The following ZNF277 variants were observed in gnomAD, a reference collection of about 807,000 sequenced individuals.
The protein encoded by ZNF277 is nuclear receptor-interacting factor 4.
ZNF277 carries 55 observed loss-of-function variants against 60.7 expected under a neutral mutation model. That is an observed-to-expected ratio of 0.91 (90% CI 0.73 to 1.13). The LOEUF is 1.13. ZNF277 is among the 50% of genes most tolerant of loss of function. The pLI is 0.00. For synonymous variants in ZNF277, 178 were observed against 179.3 expected, an observed-to-expected ratio of 0.99 and a Z score of 0.06; for missense variants, 510 against 523.0, an observed-to-expected ratio of 0.98 and a Z score of 0.24.
chr7:112,342,207 A>C (rs1437791014), intron 11 of ZNF277, among the ~76,000 whole-genome samples: 1 of 152,172 alleles, frequency 6.6e-6, no homozygotes, highest in African/African-American at 2.4e-5. Context: ...TCAAACAACT[A>C]GATCTACCCA....
chr7:112,301,031 AATTG>A (rs1384889552), intron 4 of ZNF277, among the ~76,000 whole-genome samples: 4 of 152,098 alleles, frequency 2.6e-5, no homozygotes, highest in East Asian at 1.9e-4. Context: ...TGTTACTATT[AATTG>A]ATTAATAGTA....
chr7:112,236,249 A>G (rs1013229532), intron 1 of ZNF277, among the ~76,000 whole-genome samples: 5 of 152,110 alleles, frequency 3.3e-5, no homozygotes, highest in African/African-American at 1.2e-4. Flanking sequence ...AGAGCACATC[A>G]AAAGAAATAC....
Position 112,316,334 on chromosome 7 carries a change from A to T in ZNF277, c.466-1848A>T, listed in dbSNP as rs562761173. ...TGAAGGGTTTGTTGGTTTTTTTCAT[A>T]TATTTCTTGGCTGTATAAGTGTCCT... On this transcript the variant is annotated intron_variant, in intron 4 of 11. Coordinates refer to ENST00000361822, the MANE Select transcript of ZNF277 (RefSeq NM_021994.3). 9.4e-4 allele frequency among the ~76,000 whole-genome samples: 143 copies of T among 152,016 alleles called. 2 individuals are homozygous for T. In the South Asian group the frequency reaches 0.028, roughly 30 times the overall value.
intron 1 of ZNF277, among the ~76,000 whole-genome samples, chr7:112,210,100 A>G (rs528165995): frequency 1.2e-3 from 181 of 152,302 alleles, no homozygotes; most frequent in African/African-American, 3.9e-3. Flanking sequence ...TACATATGCA[A>G]CAAACCTCCA....
chr7:112,293,460 T>A (rs1316925162), intron 2 of ZNF277, among the ~76,000 whole-genome samples: 1 of 151,788 alleles, frequency 6.6e-6, no homozygotes, highest in Non-Finnish European at 1.5e-5. Flanking sequence ...GTGCCTATAG[T>A]CCCAGCTACT....
At chr7:112,237,159 T>A (rs1790817447) in intron 1 of ZNF277, among the ~76,000 whole-genome samples, 2 of 152,224 alleles carry the variant, frequency 1.3e-5, no homozygotes, top group South Asian at 2.1e-4. Context: ...GATGGAAATT[T>A]AAAAAAATTT....
intron 1 of ZNF277, among the ~76,000 whole-genome samples, chr7:112,261,921 G>A (rs1791445626): frequency 1.3e-5 from 2 of 152,096 alleles, no homozygotes; most frequent in Admixed American, 1.3e-4. Flanking sequence ...TTATACCAAG[G>A]CACTAAACAT....
intron 7 of ZNF277, chr7:112,330,548 C>CTTTTTT (rs1171213748): frequency 7.3e-3 from 794 of 108,118 alleles, no homozygotes; most frequent in African/African-American, 0.014. Flanking sequence ...AGACTCCTTT[C>CTTTTTT]TTTTTTTTTT....
At position 112,211,466 on chromosome 7, in the gene ZNF277, C is replaced by A. The variant is rs184338692; in HGVS notation, c.91+4659C>A. On this transcript the variant is annotated intron_variant, in intron 1 of 11. Transcript: ENST00000361822. ...TGCCCCAGAAAGTGCTCTTGAGAAC[C>A]AGTTGTATGTGTGTTTGTCAGCCTG... Among the ~76,000 whole-genome samples, 49 of 152,322 alleles carry A rather than the reference C, an allele frequency of 3.2e-4. 1 individual carries two copies. In the East Asian group the frequency reaches 6.0e-3, roughly 19 times the overall value.
chr7:112,261,490 C>T (rs555674973), intron 1 of ZNF277, among the ~76,000 whole-genome samples: 3 of 152,102 alleles, frequency 2.0e-5, no homozygotes, highest in East Asian at 1.9e-4. Flanking sequence ...TAGCCTATAT[C>T]GACAATCATT....
At chr7:112,337,469 G>T (rs950073994) in intron 8 of ZNF277, among the ~76,000 whole-genome samples, 1 of 152,160 alleles carries the variant, frequency 6.6e-6, no homozygotes, top group African/African-American at 2.4e-5. Flanking sequence ...TGTAGACTGA[G>T]ATAGCTACTC....
chr7:112,261,061 T>C (rs1194070611), intron 1 of ZNF277, among the ~76,000 whole-genome samples: 3 of 152,214 alleles, frequency 2.0e-5, no homozygotes, highest in Non-Finnish European at 4.4e-5. Flanking sequence ...GCTTCAGTGG[T>C]TCTGTTTATG....
At chr7:112,264,449 G>T (rs1268910655) in intron 1 of ZNF277, among the ~76,000 whole-genome samples, 1 of 151,966 alleles carries the variant, frequency 6.6e-6, no homozygotes, top group Non-Finnish European at 1.5e-5. Context: ...TTTATTTATG[G>T]TAACAAGAAA....
At chr7:112,209,254 T>C (rs368572917) in intron 1 of ZNF277, among the ~76,000 whole-genome samples, 196 of 152,324 alleles carry the variant, frequency 1.3e-3, no homozygotes, top group African/African-American at 4.5e-3. Flanking sequence ...TGGTTGTATA[T>C]TTTGGGAGAA....
At chr7:112,323,414 G>C (rs1793029596) in intron 5 of ZNF277, among the ~76,000 whole-genome samples, 1 of 152,200 alleles carries the variant, frequency 6.6e-6, no homozygotes, top group South Asian at 2.1e-4. Flanking sequence ...TGGGTGGACT[G>C]AATCATGTCA....
intron 8 of ZNF277, 114 bp downstream of exon 8, chr7:112,336,285 T>A: frequency 1.1e-6 from 1 of 873,450 alleles, no homozygotes; most frequent in Non-Finnish European, 1.7e-6. Flanking sequence ...ATACCTTCTC[T>A]GAGCCATGCA....
At chr7:112,244,068 C>A (rs1791023709) in intron 1 of ZNF277, among the ~76,000 whole-genome samples, 2 of 152,146 alleles carry the variant, frequency 1.3e-5, no homozygotes, top group South Asian at 4.1e-4. Flanking sequence ...AAATACCACA[C>A]GTTCTCACTT....
At chr7:112,312,317 T>C (rs931947418) in intron 4 of ZNF277, among the ~76,000 whole-genome samples, 2 of 152,074 alleles carry the variant, frequency 1.3e-5, no homozygotes, top group Non-Finnish European at 2.9e-5. Flanking sequence ...CCAAATGAAA[T>C]GTGTGAACCT....
At chr7:112,259,593 G>A (rs1301539310) in intron 1 of ZNF277, among the ~76,000 whole-genome samples, 1 of 152,048 alleles carries the variant, frequency 6.6e-6, no homozygotes, top group Admixed American at 6.6e-5. Flanking sequence ...TTAACTCTTT[G>A]CTTTTCGTAG....
Sources: allele counts gnomAD v4.1 joint callset (sites outside exome capture counted in the v4.1 genomes callset), GRCh38; gene constraint gnomAD v4.1.1; transcripts MANE v1.5; gene names NCBI Gene and HGNC (gene_info 2026-07-23, HGNC 2026-07-21).